The following C3orf49 variants were observed in gnomAD, a reference collection of about 807,000 sequenced individuals.
C3orf49 encodes chromosome 3 open reading frame 49.
Under a neutral mutation model 13.3 loss-of-function variants are expected in C3orf49, and 27 were observed. That is an observed-to-expected ratio of 2.02 (90% CI 1.49 to 2.79). The LOEUF (loss-of-function observed/expected upper bound fraction) is 2.79. Among genes scored for constraint, C3orf49 ranks in the 30% most tolerant of loss-of-function variants. The pLI, the probability that C3orf49 is intolerant of heterozygous loss-of-function variation, is 0.00. For synonymous variants in C3orf49, 87 were observed against 47.6 expected (o/e 1.83, Z -3.40); for missense variants, 242 against 134.2 (o/e 1.80, Z -3.97).
At chr3:63,837,973 TA>T (rs1464370605) in intron 5 of C3orf49, 1 of 1,607,112 alleles carries the variant, frequency 6.2e-7, no homozygotes, top group Admixed American at 1.7e-5. Flanking sequence ...TCAAAACCCT[TA>T]CCTTGGCGAT....
At chr3:63,830,941 A>G (rs908193892) in intron 3 of C3orf49, among the ~76,000 whole-genome samples, 169 bp from the exon 4 acceptor site, 3 of 152,186 alleles carry the variant, frequency 2.0e-5, no homozygotes, top group Non-Finnish European at 4.4e-5. Context: ...CAAAGAAGAT[A>G]CTTGGGGTGT....
chr3:63,792,860 G>A, the C3orf49 span, among the ~76,000 whole-genome samples: 1 of 152,294 alleles, frequency 6.6e-6, no homozygotes, highest in African/African-American at 2.4e-5. Flanking sequence ...TAATAAATAT[G>A]AGAAAAGATT....
chr3:63,782,294 G>T, the C3orf49 span: 1 of 152,000 alleles, frequency 6.6e-6, no homozygotes, highest in African/African-American at 2.4e-5. Flanking sequence ...ACATCTTAAA[G>T]TGGATGTTTA....
intron 5 of C3orf49, among the ~76,000 whole-genome samples, chr3:63,844,691 C>A (rs773735712): frequency 5.3e-5 from 8 of 152,148 alleles, no homozygotes; most frequent in Non-Finnish European, 1.2e-4. Context: ...AGCTCCATTT[C>A]TTTTCTCCAT....
intron 3 of C3orf49, 112 bp downstream of exon 3, chr3:63,827,837 A>T (rs1239148643): frequency 3.5e-6 from 2 of 575,964 alleles, no homozygotes; most frequent in Non-Finnish European, 6.2e-6. Flanking sequence ...AAGCCCTTTA[A>T]ATCTGCTGCT....
the C3orf49 span, among the ~76,000 whole-genome samples, chr3:63,808,492 T>C: frequency 6.6e-6 from 1 of 152,242 alleles, no homozygotes; most frequent in African/African-American, 2.4e-5. Flanking sequence ...CTTCTTTCTC[T>C]CTCTTTTATT....
upstream of C3orf49, among the ~76,000 whole-genome samples, chr3:63,816,093 TTTTA>T: frequency 6.6e-6 from 1 of 151,592 alleles, no homozygotes; most frequent in Non-Finnish European, 1.5e-5. Flanking sequence ...CTGTTTTTCT[TTTTA>T]TTTATTTATT....
At chr3:63,839,720 G>T (rs1158113538) in intron 5 of C3orf49, 1 of 1,613,012 alleles carries the variant, frequency 6.2e-7, no homozygotes, top group Non-Finnish European at 8.5e-7. Flanking sequence ...TTAATTCTCC[G>T]ATCATCTCCA....
chr3:63,802,893 T>TACAGAGACACACAC, the C3orf49 span, among the ~76,000 whole-genome samples: 3 of 151,748 alleles, frequency 2.0e-5, no homozygotes, highest in Non-Finnish European at 4.4e-5. Context: ...CACACACACA[T>TACAGAGACACACAC]ACACAGACAC....
chr3:63,822,691 C>T (rs752724608), intron 1 of C3orf49, among the ~76,000 whole-genome samples: 1 of 152,166 alleles, frequency 6.6e-6, no homozygotes, highest in East Asian at 1.9e-4. Flanking sequence ...AGATGGTACA[C>T]GTAGTCACTA....
At chr3:63,848,295 A>C (rs1701945896) in intron 6 of C3orf49, 69 bp from the exon 7 acceptor site, 1 of 152,026 alleles carries the variant, frequency 6.6e-6, no homozygotes, top group Non-Finnish European at 1.5e-5. Context: ...TGGAGGTTTC[A>C]TCTGTGTCAG....
In C3orf49 at chr3:63,819,448, C is replaced by T; in HGVS notation, c.-24C>T. 1 of 701,678 alleles carries T rather than the reference C, an allele frequency of 1.4e-6. No individual in the cohort carries two copies. Among genetic ancestry groups the T allele is most frequent in the South Asian group, 1.5e-5 (1 of 67,400 alleles). 43.5% of individuals were successfully genotyped at this position (701,678 alleles called of 1,614,324 possible). ...CAAGAACTAAAACAATCCAAAACGG[C>T]TACTACAGGTGAAGTTGAGAGCAAT... On this transcript the variant is annotated 5_prime_UTR_variant, in exon 1 of 7. Transcript: ENST00000295896.
the C3orf49 span, among the ~76,000 whole-genome samples, chr3:63,804,462 T>C: frequency 6.6e-6 from 1 of 152,170 alleles, no homozygotes; most frequent in Admixed American, 6.5e-5. Context: ...CTTCTCTTTT[T>C]ACCATGCTCC....
intron 5 of C3orf49, chr3:63,839,836 G>A (rs1701722185): frequency 7.6e-7 from 1 of 1,310,226 alleles, no homozygotes; most frequent in Non-Finnish European, 1.1e-6. Context: ...CAAATAACCA[G>A]TATCACTGTT....
chr3:63,816,789 G>A (rs1173981816), upstream of C3orf49, among the ~76,000 whole-genome samples: 7 of 16,758 alleles, frequency 4.2e-4, no homozygotes, highest in Non-Finnish European at 5.6e-4. Flanking sequence ...TTTTTTTTTT[G>A]TGAGACAGAA....
At chr3:63,794,098 T>C in the C3orf49 span, among the ~76,000 whole-genome samples, 1 of 151,854 alleles carries the variant, frequency 6.6e-6, no homozygotes, top group Non-Finnish European at 1.5e-5. Flanking sequence ...GAGACTTCAG[T>C]GAACTACGAT....
At chr3:63,841,861 T>C (rs192319952) in intron 5 of C3orf49, among the ~76,000 whole-genome samples, 1 of 152,326 alleles carries the variant, frequency 6.6e-6, no homozygotes, top group Non-Finnish European at 1.5e-5. Context: ...GTGAATCTGG[T>C]GGCACTGATG....
chr3:63,797,851 A>G, the C3orf49 span, among the ~76,000 whole-genome samples: 5,669 of 152,230 alleles, frequency 0.037, 252 homozygotes, highest in African/African-American at 0.1. Flanking sequence ...GAAGTATGAA[A>G]AGCCCTGGCC....
Position 63,827,261 on chromosome 3 carries a change from T to C in C3orf49, c.446-340T>C, listed in dbSNP as rs575860835. ...ATAGAAAATTTGCTTTAATCCACAA[T>C]GAATACCCAAGGGAGGGCCTTGCAT... On this transcript the variant is annotated intron_variant, in intron 2 of 6. Coordinates refer to ENST00000295896, the MANE Select transcript of C3orf49 (RefSeq NM_001355236.2). 4.0e-5 allele frequency: 7 copies of C among 175,832 alleles called. No individual in the cohort carries two copies. In the South Asian group the frequency reaches 1.3e-3, roughly 32 times the overall value. 10.9% of individuals were successfully genotyped at this position (175,832 alleles called of 1,614,324 possible).
Sources: gnomAD v4.1 joint callset for allele counts (sites outside exome capture counted in the v4.1 genomes callset) on GRCh38, gnomAD v4.1.1 for gene constraint, MANE v1.5 for transcripts, NCBI Gene and HGNC (gene_info 2026-07-23, HGNC 2026-07-21) for gene names.